Variants in STXBP5L observed in about 807,000 individuals in gnomAD.
The protein encoded by STXBP5L is syntaxin binding protein 5L, also known as syntaxin-binding protein 5-like.
Under a neutral mutation model 144.5 loss-of-function variants are expected in STXBP5L, and 65 were observed. The ratio of observed to expected loss-of-function variants is 0.45; its 90% CI spans 0.37 to 0.55. The LOEUF (loss-of-function observed/expected upper bound fraction) is 0.55, where lower values mean the gene tolerates loss of function less well. Among genes scored for constraint, STXBP5L ranks in the 20% least tolerant of loss-of-function variants. STXBP5L has a pLI of 0.00. For missense variants in STXBP5L, 1,298 were observed against 1,405.5 expected (o/e 0.92, Z 1.22); for synonymous variants, 505 against 469.6 (o/e 1.08, Z -0.97).
chr3:121,412,068 TA>T (rs1163814543), intron 23 of STXBP5L, among the ~76,000 whole-genome samples: 1 of 151,968 alleles, frequency 6.6e-6, no homozygotes, highest in Non-Finnish European at 1.5e-5. Flanking sequence ...TATGAAAGTC[TA>T]GTTTATTGGA....
intron 20 of STXBP5L, among the ~76,000 whole-genome samples, chr3:121,370,160 G>A (rs1297301336): frequency 1.3e-5 from 2 of 152,082 alleles, no homozygotes; most frequent in African/African-American, 4.8e-5. Context: ...GAGGTCAGGA[G>A]TTCAAGACCA....
chr3:121,008,255 A>C (rs77872166), intron 3 of STXBP5L, among the ~76,000 whole-genome samples: 1 of 151,990 alleles, frequency 6.6e-6, no homozygotes, highest in African/African-American at 2.4e-5. Flanking sequence ...AATCAGGGTC[A>C]GTTCCCAGTA....
intron 7 of STXBP5L, among the ~76,000 whole-genome samples, chr3:121,145,250 A>T (rs60935823): frequency 0.37 from 56,796 of 151,640 alleles, 10,837 homozygotes; most frequent in Non-Finnish European, 0.4. Flanking sequence ...CACATTAAAA[A>T]ATAATTAATT....
At chr3:121,348,505 T>C (rs892527303) in intron 20 of STXBP5L, among the ~76,000 whole-genome samples, 6 of 152,124 alleles carry the variant, frequency 3.9e-5, no homozygotes, top group Admixed American at 6.6e-5. Flanking sequence ...TCTTTTTCTA[T>C]TTATTGGAAT....
intron 3 of STXBP5L, among the ~76,000 whole-genome samples, chr3:121,000,516 A>G (rs1270542756): frequency 6.6e-6 from 1 of 151,942 alleles, no homozygotes; most frequent in East Asian, 1.9e-4. Flanking sequence ...GAATTGTTTT[A>G]CTGGATTTCT....
chr3:121,139,539 A>G (rs1343671432), intron 7 of STXBP5L, among the ~76,000 whole-genome samples: 3 of 152,076 alleles, frequency 2.0e-5, no homozygotes, highest in Non-Finnish European at 1.5e-5. Context: ...CTCAGAGTCA[A>G]TGCTCTTAAC....
Position 121,152,457 on chromosome 3 carries a change from A to G in STXBP5L, c.670-20A>G. On this transcript the variant is annotated intron_variant, in intron 7 of 26. Coordinates refer to ENST00000471454, the MANE Select transcript of STXBP5L (RefSeq NM_001308330.2). ...AATTAATGTTAGAATTAAGAAAATG[A>G]TTGTTCTAATGTTTTCCAGCTGCTA... 6.5e-7 allele frequency: 1 copy of G among 1,535,286 alleles called. No individual in the cohort carries two copies. Among genetic ancestry groups the G allele is most frequent in the South Asian group, 1.2e-5 (1 of 84,388 alleles).
At chr3:121,368,877 T>C (rs549060779) in intron 20 of STXBP5L, among the ~76,000 whole-genome samples, 1 of 152,176 alleles carries the variant, frequency 6.6e-6, no homozygotes, top group South Asian at 2.1e-4. Flanking sequence ...GTTAATGGAG[T>C]GGCAGTGGAG....
At chr3:120,993,404 T>C (rs909939441) in intron 3 of STXBP5L, among the ~76,000 whole-genome samples, 5 of 152,110 alleles carry the variant, frequency 3.3e-5, no homozygotes, top group Non-Finnish European at 7.4e-5. Flanking sequence ...TACTGCAGTG[T>C]TTCCCCTATG....
In STXBP5L at chr3:121,267,797, T is replaced by C. The variant is rs139867653; in HGVS notation, c.1958+8629T>C. On this transcript the variant is annotated intron_variant, in intron 18 of 26. Transcript: ENST00000471454. ...AAGACATTTATGCAGCCAACAAATA[T>C]ATGAAAAAAAGCTCATCATCACTGG... Among the ~76,000 whole-genome samples, 692 of 152,028 alleles carry C rather than the reference T, an allele frequency of 4.6e-3. 4 individuals are homozygous for C. Among genetic ancestry groups the C allele is most frequent in the African/African-American group, 0.016 (660 of 41,468 alleles).
intron 10 of STXBP5L, among the ~76,000 whole-genome samples, chr3:121,206,298 A>G (rs935524807): frequency 5.9e-5 from 9 of 152,324 alleles, no homozygotes; most frequent in Middle Eastern, 3.4e-3. Flanking sequence ...AGCAGGATTT[A>G]TTAAGCAGAA....
intron 19 of STXBP5L, among the ~76,000 whole-genome samples, chr3:121,283,575 A>G (rs2051130748): frequency 6.6e-6 from 1 of 152,038 alleles, no homozygotes; most frequent in Admixed American, 6.6e-5. Context: ...TTTCTGTAAT[A>G]AAGTTTTATT....
chr3:121,120,584 A>C (rs1015529891), intron 6 of STXBP5L, among the ~76,000 whole-genome samples: 1 of 151,218 alleles, frequency 6.6e-6, no homozygotes, highest in South Asian at 2.1e-4. Flanking sequence ...TTTAGATGAA[A>C]ATATTTAAGA....
intron 5 of STXBP5L, among the ~76,000 whole-genome samples, chr3:121,092,363 G>A (rs957659836): frequency 7.2e-4 from 110 of 152,196 alleles, no homozygotes; most frequent in African/African-American, 2.6e-3. Flanking sequence ...ACCTTGGGCA[G>A]TATGGCCATT....
intron 14 of STXBP5L, among the ~76,000 whole-genome samples, chr3:121,245,689 CAAAG>C (rs1260444286): frequency 6.6e-6 from 1 of 151,732 alleles, no homozygotes; most frequent in African/African-American, 2.4e-5. Flanking sequence ...TCACAAGGGA[CAAAG>C]AAAGACATTA....
intron 2 of STXBP5L, among the ~76,000 whole-genome samples, chr3:120,938,631 G>C (rs1335123950): frequency 6.6e-6 from 1 of 152,098 alleles, no homozygotes; most frequent in Non-Finnish European, 1.5e-5. Context: ...TTTTGTCTCT[G>C]GTCTTAAATT....
chr3:121,157,331 A>C (rs530205895), intron 8 of STXBP5L, among the ~76,000 whole-genome samples, 173 bp from the exon 9 acceptor site: 1 of 152,256 alleles, frequency 6.6e-6, no homozygotes, highest in African/African-American at 2.4e-5. Context: ...TGAGGAGGAA[A>C]TAGGACTTCA....
intron 20 of STXBP5L, among the ~76,000 whole-genome samples, chr3:121,367,960 T>C (rs2045916435): frequency 6.6e-6 from 1 of 151,970 alleles, no homozygotes; most frequent in Non-Finnish European, 1.5e-5. Context: ...GTGAGTCTTT[T>C]TGAGTTTATC....
intron 3 of STXBP5L, among the ~76,000 whole-genome samples, chr3:121,001,440 A>G (rs1024298434): frequency 2.0e-5 from 3 of 152,220 alleles, no homozygotes; most frequent in African/African-American, 7.2e-5. Flanking sequence ...CAGTCAAAAA[A>G]TACCTAAGCC....
Sources: gnomAD v4.1 joint callset for allele counts (sites outside exome capture counted in the v4.1 genomes callset) on GRCh38, gnomAD v4.1.1 for gene constraint, MANE v1.5 for transcripts, NCBI Gene and HGNC (gene_info 2026-07-23, HGNC 2026-07-21) for gene names.